EXT1: variants seen among roughly 807,000 people sequenced by gnomAD.
The protein encoded by EXT1 is exostosin-1.
EXT1 carries 20 observed loss-of-function variants against 82.5 expected under a neutral mutation model. The ratio of observed to expected loss-of-function variants is 0.24; its 90% CI spans 0.17 to 0.35. The LOEUF (loss-of-function observed/expected upper bound fraction) is 0.35. EXT1 is among the 10% of genes least tolerant of loss of function. The probability of loss-of-function intolerance (pLI) is 1.00; values close to 1 mark genes in which losing one functional copy is unlikely to be tolerated. For missense variants in EXT1, 757 were observed against 936.5 expected (o/e 0.81, Z 2.50); for synonymous variants, 348 against 350.8 (o/e 0.99, Z 0.09).
At chr8:118,027,972 T>C (rs1184046619) in intron 1 of EXT1, among the ~76,000 whole-genome samples, 5 of 152,210 alleles carry the variant, frequency 3.3e-5, no homozygotes, top group Non-Finnish European at 5.9e-5. Context: ...TTCCCATTAA[T>C]AGAAGTACTG....
chr8:117,902,063 A>G (rs1171883880), intron 1 of EXT1, among the ~76,000 whole-genome samples: 2 of 151,842 alleles, frequency 1.3e-5, no homozygotes, highest in Non-Finnish European at 2.9e-5. Flanking sequence ...CCAAAACACA[A>G]ACACACACAT....
In EXT1 at chr8:117,801,439, A is replaced by C. The variant is rs537504167; in HGVS notation, c.2056-1542T>G. Among the ~76,000 whole-genome samples, 34 of 152,334 alleles carry C rather than the reference A, an allele frequency of 2.2e-4. No homozygotes were observed. In the South Asian group the frequency reaches 6.8e-3, roughly 31 times the overall value. ...CAAATGGAGCTGACTGGTTGAGTTC[A>C]TATCAGAGTAGACAATCCCAAATGT... On this transcript the variant is annotated intron_variant, in intron 10 of 10. Coordinates refer to ENST00000378204, the MANE Select transcript of EXT1 (RefSeq NM_000127.3).
intron 1 of EXT1, among the ~76,000 whole-genome samples, chr8:117,981,808 G>A (rs1351396715): frequency 3.9e-5 from 6 of 151,972 alleles, no homozygotes; most frequent in African/African-American, 1.5e-4. Flanking sequence ...AATCTGGGAG[G>A]CGGAGGTTGC....
At chr8:118,086,279 T>G (rs1186713061) in intron 1 of EXT1, among the ~76,000 whole-genome samples, 1 of 152,180 alleles carries the variant, frequency 6.6e-6, no homozygotes, top group African/African-American at 2.4e-5. Context: ...ACCAGTATTT[T>G]TATGGACTTG....
chr8:117,943,378 G>A (rs578023719), intron 1 of EXT1, among the ~76,000 whole-genome samples: 1 of 152,246 alleles, frequency 6.6e-6, no homozygotes, highest in East Asian at 1.9e-4. Flanking sequence ...TCACAGCACC[G>A]ATTGTAACAA....
At chr8:117,806,549 CA>C (rs1268634430) in intron 9 of EXT1, among the ~76,000 whole-genome samples, 1 of 152,180 alleles carries the variant, frequency 6.6e-6, no homozygotes, top group Non-Finnish European at 1.5e-5. Flanking sequence ...TCCACCCAGT[CA>C]CAGTGGTCTC....
chr8:117,828,335 G>A (rs916857879), intron 4 of EXT1, among the ~76,000 whole-genome samples: 2 of 152,070 alleles, frequency 1.3e-5, no homozygotes, highest in South Asian at 4.1e-4. Flanking sequence ...AGGACTGCCT[G>A]AGCCAGGAGT....
At chr8:117,951,599 C>T (rs1814493059) in intron 1 of EXT1, among the ~76,000 whole-genome samples, 1 of 152,166 alleles carries the variant, frequency 6.6e-6, no homozygotes, top group Non-Finnish European at 1.5e-5. Flanking sequence ...GGAATTATGA[C>T]TGTGATAGAG....
chr8:117,970,390 C>T (rs1292876170), intron 1 of EXT1, among the ~76,000 whole-genome samples: 1 of 151,936 alleles, frequency 6.6e-6, no homozygotes, highest in East Asian at 1.9e-4. Flanking sequence ...TGCAACTCCG[C>T]CTCCCAGGTT....
chr8:118,002,528 CTTTTTTTTTTTT>C (rs60354141), intron 1 of EXT1, among the ~76,000 whole-genome samples: 1 of 87,096 alleles, frequency 1.1e-5, no homozygotes, highest in African/African-American at 4.7e-5. Context: ...GAATATTTTT[CTTTTTTTTTTTT>C]TTTTTTTTTG....
rs1440328473 is a variant in EXT1, at chr8:118,096,648, AAGGAAGGAAGGAAGGAAGGAAGGAAGGG to A, written c.962+13409_962+13436del. Among the ~76,000 whole-genome samples the A allele has an allele frequency of 1.5e-3, 42 of 27,422 alleles. 1 individual carries two copies. The highest frequency in any genetic ancestry group is 7.1e-3 in the East Asian group (10 of 1,414). 18.0% of individuals were successfully genotyped at this position (27,422 alleles called of 152,430 possible). On this transcript the variant is annotated intron_variant, in intron 1 of 10. Coordinates refer to ENST00000378204, the MANE Select transcript of EXT1 (RefSeq NM_000127.3). ...GAAGGAAGGAAGGAAGGAAGGAAGGAAGGAAGGAAGGAAGGAAGGAAGGAAGGGAGGGAGGGAGGGAGGGAAGGAGGGA... is the reference window on the plus strand; with the variant it reads ...GAAGGAAGGAAGGAAGGAAGGAAGGAAGGGAGGGAGGGAGGGAAGGAGGGA...
intron 1 of EXT1, among the ~76,000 whole-genome samples, chr8:117,951,139 A>G (rs1262244047): frequency 1.3e-5 from 2 of 152,228 alleles, no homozygotes; most frequent in Non-Finnish European, 2.9e-5. Flanking sequence ...GGAGAAAGTG[A>G]GAGAAGAGGT....
At chr8:117,821,953 T>C (rs1213378724) in intron 5 of EXT1, among the ~76,000 whole-genome samples, 1 of 152,218 alleles carries the variant, frequency 6.6e-6, no homozygotes, top group Non-Finnish European at 1.5e-5. Context: ...GACTTTTTAT[T>C]TCTAGTACCC....
intron 1 of EXT1, among the ~76,000 whole-genome samples, chr8:117,849,013 C>T (rs1424653084): frequency 1.3e-5 from 2 of 152,224 alleles, no homozygotes; most frequent in South Asian, 2.1e-4. Flanking sequence ...GCCCCATCCT[C>T]AGTCACCATC....
At chr8:117,952,565 C>G (rs1814510454) in intron 1 of EXT1, among the ~76,000 whole-genome samples, 1 of 152,170 alleles carries the variant, frequency 6.6e-6, no homozygotes, top group African/African-American at 2.4e-5. Context: ...GTCAAGAGTA[C>G]AGCTTGGCCA....
intron 1 of EXT1, among the ~76,000 whole-genome samples, chr8:117,900,497 CCATGAAATAAATT>C: frequency 6.6e-6 from 1 of 152,268 alleles, no homozygotes; most frequent in Admixed American, 6.5e-5. Context: ...AGGGCTGATG[CCATGAAATAAATT>C]CATTGTTGGA....
chr8:118,021,532 G>A (rs982855382), intron 1 of EXT1, among the ~76,000 whole-genome samples: 1 of 152,130 alleles, frequency 6.6e-6, no homozygotes, highest in South Asian at 2.1e-4. Flanking sequence ...TCTGGAAGAC[G>A]GCCGATTTTA....
chr8:118,071,459 A>G (rs1203961354), intron 1 of EXT1, among the ~76,000 whole-genome samples: 1 of 151,512 alleles, frequency 6.6e-6, no homozygotes, highest in African/African-American at 2.4e-5. Flanking sequence ...ACGGAAAGAG[A>G]CAGCTCTGTT....
chr8:118,071,590 A>G (rs936789391), intron 1 of EXT1, among the ~76,000 whole-genome samples: 2 of 152,176 alleles, frequency 1.3e-5, no homozygotes, highest in Non-Finnish European at 2.9e-5. Context: ...ATGATGAGTA[A>G]GGCTAAAAAT....
Sources: gnomAD v4.1 joint callset for allele counts (sites outside exome capture counted in the v4.1 genomes callset) on GRCh38, gnomAD v4.1.1 for gene constraint, MANE v1.5 for transcripts, NCBI Gene and HGNC (gene_info 2026-07-23, HGNC 2026-07-21) for gene names.